The following INTS9 variants were observed in gnomAD, a reference collection of about 807,000 sequenced individuals.
The protein encoded by INTS9 is integrator complex subunit 9.
Under a neutral mutation model 79.7 loss-of-function variants are expected in INTS9, and 55 were observed. The observed-to-expected ratio is 0.69, with a 90% CI of 0.56 to 0.86. INTS9 has a LOEUF of 0.86. Ranked by LOEUF, INTS9 falls within the 40% of genes least tolerant of loss-of-function variation. The pLI is 0.00. For missense variants in INTS9, 721 were observed against 831.5 expected (o/e 0.87, Z 1.64); for synonymous variants, 319 against 325.2 (o/e 0.98, Z 0.20).
rs989839551 is a variant in INTS9 at position 28,769,824 on chromosome 8, C to T, written c.1800+65G>A. On this transcript the variant is annotated intron_variant, in intron 16 of 16. Coordinates refer to ENST00000521022, the MANE Select transcript of INTS9 (RefSeq NM_018250.4). ...ACATCCACTCCCTGCAGCCAGGGGG[C>T]CATAGTGAGCCAGGGAAAGGCTGCC... is the stretch of plus-strand genomic sequence containing the variant. 4 of 1,588,272 alleles carry T rather than the reference C, an allele frequency of 2.5e-6. No individual in the cohort carries two copies. In the African/African-American group the frequency reaches 5.4e-5, roughly 21 times the overall value.
At chr8:28,887,557 T>C (rs543365796) in intron 1 of INTS9, among the ~76,000 whole-genome samples, 2 of 152,362 alleles carry the variant, frequency 1.3e-5, no homozygotes, top group East Asian at 3.9e-4. Flanking sequence ...TTTTGTTTCA[T>C]AATTATAAAT....
chr8:28,862,044 G>C, intron 1 of INTS9: 1 of 983,678 alleles, frequency 1.0e-6, no homozygotes, highest in Non-Finnish European at 1.2e-6. Flanking sequence ...GCTCACCGTG[G>C]GTCAACTGAG....
At chr8:28,773,339 C>T (rs1290285545) in intron 14 of INTS9, among the ~76,000 whole-genome samples, 1 of 151,408 alleles carries the variant, frequency 6.6e-6, no homozygotes, top group Non-Finnish European at 1.5e-5. Context: ...TGGCGGGTGC[C>T]TGTGGTCCCA....
intron 6 of INTS9, among the ~76,000 whole-genome samples, chr8:28,828,450 A>G (rs1806276121): frequency 6.6e-6 from 1 of 152,222 alleles, no homozygotes; most frequent in African/African-American, 2.4e-5. Flanking sequence ...CCACTCATTT[A>G]GTCCTTACAA....
intron 1 of INTS9, among the ~76,000 whole-genome samples, chr8:28,869,591 C>T (rs540813273): frequency 6.6e-6 from 1 of 152,256 alleles, no homozygotes; most frequent in South Asian, 2.1e-4. Flanking sequence ...GGCAAATTAC[C>T]TCTGCTAGGA....
intron 11 of INTS9, chr8:28,784,079 G>C (rs1409392925): frequency 1.3e-5 from 2 of 152,200 alleles, no homozygotes; most frequent in Non-Finnish European, 2.9e-5. Flanking sequence ...CAGGAATTCT[G>C]AACAGTAATT....
intron 14 of INTS9, 95 bp from the exon 15 acceptor site, chr8:28,771,175 T>C (rs898891984): frequency 2.1e-6 from 2 of 960,784 alleles, no homozygotes; most frequent in African/African-American, 3.2e-5. Context: ...TCTAAAAAGA[T>C]GAAATAACTT....
At chr8:28,888,427 TC>T (rs1482542996) in intron 1 of INTS9, among the ~76,000 whole-genome samples, 1 of 116,742 alleles carries the variant, frequency 8.6e-6, no homozygotes, top group African/African-American at 3.3e-5. Context: ...GCGCCTGTAT[TC>T]CCAGCTATAT....
intron 4 of INTS9, among the ~76,000 whole-genome samples, chr8:28,842,455 A>T (rs1029614288): frequency 3.3e-5 from 5 of 152,262 alleles, no homozygotes; most frequent in African/African-American, 1.2e-4. Flanking sequence ...GAAAGAAATC[A>T]AAAGCAGTCC....
At chr8:28,774,981 T>TTGA (rs1802782153) in intron 14 of INTS9, among the ~76,000 whole-genome samples, 2 of 152,322 alleles carry the variant, frequency 1.3e-5, no homozygotes, top group African/African-American at 4.8e-5. Flanking sequence ...TACTTAGACT[T>TTGA]TGATAGACCA....
intron 11 of INTS9, among the ~76,000 whole-genome samples, chr8:28,786,891 G>A (rs1803630404): frequency 6.6e-6 from 1 of 151,990 alleles, no homozygotes; most frequent in African/African-American, 2.4e-5. Flanking sequence ...CTAATTTTTT[G>A]TATTTGTAGT....
Position 28,859,435 on chromosome 8 carries a change from C to T in INTS9, c.137+1G>A. 1 of 1,614,008 alleles carries T rather than the reference C, an allele frequency of 6.2e-7. No individual in the cohort carries two copies. Among genetic ancestry groups the T allele is most frequent in the Non-Finnish European group, 8.5e-7 (1 of 1,179,920 alleles). ...TTGTCTTTGGCTGCACCAGCACATA[C>T]CTTTGAACAAGTGGCAAAGGAAGGA... On this transcript the variant is annotated splice_donor_variant, in intron 2 of 16. Transcript: ENST00000521022. LOFTEE classifies it high-confidence loss of function.
intron 1 of INTS9, among the ~76,000 whole-genome samples, chr8:28,884,031 G>C (rs1030604743): frequency 6.6e-6 from 1 of 151,994 alleles, no homozygotes; most frequent in African/African-American, 2.4e-5. Context: ...ATGCTACTGT[G>C]GTACCGTGGT....
chr8:28,828,275 T>C (rs544317810), intron 6 of INTS9, among the ~76,000 whole-genome samples: 1 of 152,328 alleles, frequency 6.6e-6, no homozygotes, highest in East Asian at 1.9e-4. Context: ...CTTGCTTTCG[T>C]CAGAAAGGCA....
intron 4 of INTS9, among the ~76,000 whole-genome samples, chr8:28,843,008 G>A (rs1256906180): frequency 6.6e-6 from 1 of 152,204 alleles, no homozygotes; most frequent in Admixed American, 6.5e-5. Context: ...ACCTTTGGAG[G>A]TGAACTCATG....
In INTS9 at chr8:28,831,528, TCTC is replaced by T. The variant is rs1468397841; in HGVS notation, c.488+3761_488+3763del. 6.6e-5 allele frequency among the ~76,000 whole-genome samples: 10 copies of T among 152,290 alleles called. No homozygotes were observed. The East Asian group carries it at 1.7e-3, about 26-fold the overall frequency. Reference sequence around the variant, plus strand: ...TACCTTTCAGGCCCCTCCCTAGCCTTCTCCTCCTTTAGCCTCATTCATACTCTC... The same window carrying T: ...TACCTTTCAGGCCCCTCCCTAGCCTTCTCCTTTAGCCTCATTCATACTCTC... On this transcript the variant is annotated intron_variant, in intron 6 of 16. Transcript: ENST00000521022.
chr8:28,814,338 T>TCA (rs1585400459), intron 6 of INTS9, among the ~76,000 whole-genome samples: 1 of 125,524 alleles, frequency 8.0e-6, no homozygotes, highest in East Asian at 2.3e-4. Context: ...ACACACACTC[T>TCA]CACACACACA....
chr8:28,861,284 C>T (rs541109947), intron 1 of INTS9, among the ~76,000 whole-genome samples: 98 of 152,326 alleles, frequency 6.4e-4, no homozygotes, highest in African/African-American at 2.1e-3. Context: ...CACCCTCCAT[C>T]TGGTTCCCTA....
In INTS9 at chr8:28,805,373, C is replaced by CT. The variant is rs376604654; in HGVS notation, c.744+6953dup. On this transcript the variant is annotated intron_variant, in intron 8 of 16. Transcript: ENST00000521022. ...ATGTGAGAAAAAAATTAAAGACATT[C>CT]TTAATAATTCAAGGCCTCACAGGCT... 7.1e-3 allele frequency among the ~76,000 whole-genome samples: 1,086 copies of CT among 152,274 alleles called. 10 individuals are homozygous for CT. Among genetic ancestry groups the CT allele is most frequent in the African/African-American group, 0.025 (1,025 of 41,544 alleles).
Sources: allele counts gnomAD v4.1 joint callset (sites outside exome capture counted in the v4.1 genomes callset), GRCh38; gene constraint gnomAD v4.1.1; transcripts MANE v1.5; gene names NCBI Gene and HGNC (gene_info 2026-07-23, HGNC 2026-07-21).